Variants in YBX3 observed in about 807,000 individuals in gnomAD.
YBX3 encodes the protein Y-box binding protein 3.
A neutral mutation model predicts 42.4 loss-of-function variants in YBX3; 29 were observed. The observed-to-expected ratio is 0.68, with a 90% CI of 0.51 to 0.93. The LOEUF is 0.93. YBX3 is among the 40% of genes least tolerant of loss of function. The probability of loss-of-function intolerance (pLI) is 0.00; values close to 1 mark genes in which losing one functional copy is unlikely to be tolerated. For synonymous variants in YBX3, 195 were observed against 189.8 expected (o/e 1.03, Z -0.22); for missense variants, 517 against 527.5 (o/e 0.98, Z 0.19).
rs769907120 is a variant in YBX3, at chr12:10,715,758, C to A, written c.386G>T (p.Arg129Leu). 6.2e-7 allele frequency: 1 copy of A among 1,613,892 alleles called. No homozygotes were observed. Among genetic ancestry groups the A allele is most frequent in the Non-Finnish European group, 8.5e-7 (1 of 1,179,984 alleles). The change falls in exon 4 of 10, where the codon CGG (arginine) becomes CTG (leucine). Residue 129 changes from arginine to leucine, a missense_variant. Arg to Leu is a moderately radical substitution (Grantham distance 102, BLOSUM62 -2). Transcript: ENST00000228251. ...ATCTCCTACACTGCGCAGATATTTCCGTGGGTTATTCTTCTTGATGGCAGT... is the reference window on the plus strand; with the variant it reads ...ATCTCCTACACTGCGCAGATATTTCAGTGGGTTATTCTTCTTGATGGCAGT... ...HQTAIKKNNP[R>L]KYLRSVGDGE...
At chr12:10,700,342 C>T (rs1319295312) in intron 9 of YBX3, among the ~76,000 whole-genome samples, 5 of 151,992 alleles carry the variant, frequency 3.3e-5, no homozygotes, top group Non-Finnish European at 7.4e-5. Context: ...GAAATTTTAA[C>T]AATTTTTGAA....
In YBX3 at chr12:10,701,614, G is replaced by A. The variant is rs552432072; in HGVS notation, c.1054-261C>T. Among the ~76,000 whole-genome samples the A allele has an allele frequency of 9.9e-5, 15 of 151,874 alleles. No homozygotes were observed. The East Asian group carries it at 2.1e-3, about 22-fold the overall frequency. On this transcript the variant is annotated intron_variant, in intron 8 of 9. Coordinates refer to ENST00000228251, the MANE Select transcript of YBX3 (RefSeq NM_003651.5). Reference sequence around the variant, plus strand: ...ACCATATAAGAACAGCTTACAAAACGGCAACTAAATACCACTACTCTCCAT... The same window carrying A: ...ACCATATAAGAACAGCTTACAAAACAGCAACTAAATACCACTACTCTCCAT...
intron 2 of YBX3, chr12:10,718,343 G>T (rs1948286594): frequency 1.1e-5 from 5 of 473,990 alleles, no homozygotes; most frequent in Non-Finnish European, 1.9e-5. Context: ...TTAGATCCAA[G>T]CTCACAGACT....
chr12:10,699,364 T>G lies in YBX3; in HGVS notation c.*325A>C, dbSNP rs963565430. On this transcript the variant is annotated 3_prime_UTR_variant, in exon 10 of 10. Coordinates refer to ENST00000228251, the MANE Select transcript of YBX3 (RefSeq NM_003651.5). Reference sequence around the variant, plus strand: ...TTAATATTTCTTGTTTCAATATATATATTACCAAAACAGTAAAAACCAGGA... The same window carrying G: ...TTAATATTTCTTGTTTCAATATATAGATTACCAAAACAGTAAAAACCAGGA... 1 of 152,532 alleles carries G rather than the reference T, an allele frequency of 6.6e-6. No homozygotes were observed. The highest frequency in any genetic ancestry group is 1.5e-5 in the Non-Finnish European group (1 of 68,014). 9.4% of individuals were successfully genotyped at this position (152,532 alleles called of 1,614,324 possible).
At chr12:10,703,260 A>C (rs1423900972) in intron 7 of YBX3, 1 of 152,466 alleles carries the variant, frequency 6.6e-6, no homozygotes, top group Non-Finnish European at 1.5e-5. Context: ...AAGGTAGCAT[A>C]AACATCATTC....
chr12:10,722,835 C>T lies in YBX3; in HGVS notation c.262+15G>A. 6.8e-7 allele frequency: 1 copy of T among 1,469,948 alleles called. No individual in the cohort carries two copies. Among genetic ancestry groups the T allele is most frequent in the Non-Finnish European group, 9.0e-7 (1 of 1,109,510 alleles). The allele number at this position is 1,469,948 out of a possible 1,614,324, so 91.1% of individuals were successfully genotyped here. On this transcript the variant is annotated intron_variant, in intron 1 of 9. Transcript: ENST00000228251. ...CCCCACTACGGCAGCCCCTGCCCTC[C>T]CTGGCCTGACTCACCGAGAACTTTT... is the stretch of plus-strand genomic sequence containing the variant.
chr12:10,715,593 A>C, intron 4 of YBX3, 101 bp downstream of exon 4: 1 of 1,140,322 alleles, frequency 8.8e-7, no homozygotes. Flanking sequence ...ATTGTACAAA[A>C]ATTCCAAAGT....
chr12:10,717,081 T>C (rs1430645979), intron 3 of YBX3, among the ~76,000 whole-genome samples: 1 of 152,180 alleles, frequency 6.6e-6, no homozygotes, highest in East Asian at 1.9e-4. Flanking sequence ...AGTCACTGTA[T>C]CTGAACAAAA....
intron 5 of YBX3, chr12:10,710,458 T>C: frequency 8.2e-7 from 1 of 1,214,134 alleles, no homozygotes; most frequent in Non-Finnish European, 1.0e-6. Flanking sequence ...CAAATGCGTG[T>C]CTCCCAGCAT....
chr12:10,706,745 C>T (rs1341612197), intron 6 of YBX3, among the ~76,000 whole-genome samples: 1 of 152,056 alleles, frequency 6.6e-6, no homozygotes, highest in East Asian at 1.9e-4. Flanking sequence ...CAGCCAGGAG[C>T]GGTGGCTCAC....
intron 3 of YBX3, 192 bp from the exon 4 acceptor site, chr12:10,715,975 C>T (rs1948257625): frequency 3.6e-6 from 2 of 560,766 alleles, no homozygotes; most frequent in African/African-American, 3.8e-5. Flanking sequence ...CACATTACTT[C>T]CTTGATTTGT....
chr12:10,718,223 A>G, intron 2 of YBX3, 102 bp from the exon 3 acceptor site: 1 of 1,015,734 alleles, frequency 9.8e-7, no homozygotes, highest in Non-Finnish European at 1.5e-6. Flanking sequence ...CTCAAAACAC[A>G]ACATATATTT....
At chr12:10,717,056 T>C (rs749744816) in intron 3 of YBX3, among the ~76,000 whole-genome samples, 3 of 152,170 alleles carry the variant, frequency 2.0e-5, no homozygotes, top group Non-Finnish European at 4.4e-5. Context: ...TAAACAACAC[T>C]ATTATGACCC....
intron 5 of YBX3, chr12:10,711,856 G>A (rs969036154): frequency 1.3e-5 from 2 of 152,174 alleles, no homozygotes; most frequent in African/African-American, 4.8e-5. Flanking sequence ...TTCACTGAAT[G>A]TTTTTCTACC....
intron 6 of YBX3, among the ~76,000 whole-genome samples, chr12:10,708,189 A>G (rs1948158857): frequency 6.6e-6 from 1 of 152,236 alleles, no homozygotes; most frequent in South Asian, 2.1e-4. Context: ...AGCTCAGTGA[A>G]TGATTCTACT....
chr12:10,702,164 G>A (rs73044645), intron 7 of YBX3, 30 bp from the exon 8 acceptor site: 144,595 of 1,590,868 alleles, frequency 0.091, 7,702 homozygotes, highest in African/African-American at 0.24. Flanking sequence ...AAATAGAACA[G>A]GTGCCAACAG....
chr12:10,720,128 A>G (rs1948308568), intron 1 of YBX3, among the ~76,000 whole-genome samples: 1 of 152,234 alleles, frequency 6.6e-6, no homozygotes, highest in African/African-American at 2.4e-5. Flanking sequence ...TAAAGAAAAA[A>G]TAAAGAAAAA....
At chr12:10,701,149 C>G (rs1174424277) in intron 9 of YBX3, 105 bp downstream of exon 9, 1 of 654,276 alleles carries the variant, frequency 1.5e-6, no homozygotes, top group Non-Finnish European at 2.8e-6. Context: ...GGGGTTGGCA[C>G]AGATGAACTG....
chr12:10,700,619 C>A (rs1176460092), intron 9 of YBX3, among the ~76,000 whole-genome samples: 1 of 151,974 alleles, frequency 6.6e-6, no homozygotes, highest in Non-Finnish European at 1.5e-5. Context: ...TTTACCATAC[C>A]CTATTGTAAA....
Sources: allele counts gnomAD v4.1 joint callset (sites outside exome capture counted in the v4.1 genomes callset), GRCh38; gene constraint gnomAD v4.1.1; transcripts MANE v1.5; gene names NCBI Gene and HGNC (gene_info 2026-07-23, HGNC 2026-07-21).